The following CD300A variants were observed in gnomAD, a reference collection of about 807,000 sequenced individuals.
CD300A encodes CD300a molecule.
Under a neutral mutation model 33.6 loss-of-function variants are expected in CD300A, and 22 were observed. The observed-to-expected ratio is 0.66, with a 90% CI of 0.47 to 0.94. The LOEUF (loss-of-function observed/expected upper bound fraction) is 0.94, where lower values mean the gene tolerates loss of function less well. Ranked by LOEUF, CD300A falls within the 40% of genes least tolerant of loss-of-function variation. CD300A has a pLI of 0.00. For missense variants in CD300A, 326 were observed against 360.5 expected (o/e 0.90, Z 0.77); for synonymous variants, 136 against 148.1 (o/e 0.92, Z 0.59).
At chr17:74,474,387 C>G in intron 2 of CD300A, 145 bp from the exon 3 acceptor site, 1 of 779,888 alleles carries the variant, frequency 1.3e-6, no homozygotes, top group Non-Finnish European at 2.1e-6. Flanking sequence ...CCAGGAGGGT[C>G]CTGGAGAGAC....
chr17:74,477,443 C>A lies in CD300A; in HGVS notation c.541C>A (p.Leu181Met). The change falls in exon 4 of 7, where the codon CTG becomes ATG. Residue 181 changes from leucine (L) to methionine (M), a missense_variant. By Grantham distance (15) the Leu-to-Met change is conservative. Transcript: ENST00000360141. ...TEEVVNSQLP[L>M]LLSLLALLLL... ...ATCCTGTGCCTCCTCCAGGCTCCCGCTGCTCCTCTCCCTGCTGGCATTGTT... is the reference window on the plus strand; with the variant it reads ...ATCCTGTGCCTCCTCCAGGCTCCCGATGCTCCTCTCCCTGCTGGCATTGTT... The A allele has an allele frequency of 7.4e-6, 12 of 1,613,582 alleles. No homozygotes were observed. The highest frequency in any genetic ancestry group is 9.3e-6 in the Non-Finnish European group (11 of 1,179,692).
intron 1 of CD300A, chr17:74,469,832 A>G: frequency 2.1e-6 from 1 of 466,664 alleles, no homozygotes; most frequent in Non-Finnish European, 2.8e-6. Context: ...TCTCAAAAAA[A>G]TGAAATAAAA....
In CD300A at chr17:74,483,987, G is replaced by T. The variant is rs1387812936; in HGVS notation, c.775-14G>T. The T allele has an allele frequency of 1.1e-5, 18 of 1,612,740 alleles. No homozygotes were observed. The highest frequency in any genetic ancestry group is 9.3e-6 in the Non-Finnish European group (11 of 1,179,246). On this transcript the variant is annotated splice_polypyrimidine_tract_variant and intron_variant, in intron 6 of 6. Transcript: ENST00000360141. ...CCTCTCCCAAGTCTTCAGTTTCTTG[G>T]TTTCTCTCTGCAGGCCTCCCCCAGG...
rs144208889 is a variant in CD300A, at chr17:74,473,442, T to C, written c.41-94T>C. The C allele has an allele frequency of 1.2e-3, 1,509 of 1,231,698 alleles. 22 individuals are homozygous for C. In the African/African-American group the frequency reaches 0.02, roughly 16 times the overall value. The allele number at this position is 1,231,698 out of a possible 1,614,324, so 76.3% of individuals were successfully genotyped here. A position where few individuals can be genotyped will look rare whatever the true frequency, so the allele number is the denominator to read the frequency against. ...GGCCTCTCTGCCTGCCGCTGCCTCCTCCACACCCCCAGGGTCCATGCGGCC... is the reference window on the plus strand; with the variant it reads ...GGCCTCTCTGCCTGCCGCTGCCTCCCCCACACCCCCAGGGTCCATGCGGCC... On this transcript the variant is annotated intron_variant, in intron 1 of 6. Transcript: ENST00000360141.
intron 5 of CD300A, 89 bp downstream of exon 5, chr17:74,481,415 G>C: frequency 8.2e-7 from 1 of 1,223,450 alleles, no homozygotes; most frequent in Middle Eastern, 2.0e-4. Flanking sequence ...TCGGCCAACG[G>C]AGGTTGGATG....
intron 5 of CD300A, 52 bp downstream of exon 5, chr17:74,481,378 A>G (rs1338360738): frequency 1.9e-6 from 3 of 1,561,142 alleles, no homozygotes; most frequent in East Asian, 2.2e-5. Context: ...GAGGGTACAG[A>G]GGCTGCTGGG....
chr17:74,481,636 G>A, intron 5 of CD300A, 90 bp from the exon 6 acceptor site: 3 of 919,562 alleles, frequency 3.3e-6, no homozygotes, highest in Admixed American at 4.0e-5. Context: ...GGTGCTCAGA[G>A]CATAGAGGAA....
rs73352369 is a variant in CD300A at position 74,470,187 on chromosome 17, G to C, written c.41-3349G>C. 1,144 of 985,446 alleles carry C rather than the reference G, an allele frequency of 1.2e-3. 11 individuals carry two copies. In the African/African-American group the frequency reaches 0.019, roughly 16 times the overall value. The allele number at this position is 985,446 out of a possible 1,614,324, so 61.0% of individuals were successfully genotyped here. ...TGGGGTGGTGATTCAGGTTGGAAGA[G>C]AGAAAGCGCAGAAACACAAGCCTGG... On this transcript the variant is annotated intron_variant, in intron 1 of 6. Transcript: ENST00000360141.
chr17:74,481,621 G>C, intron 5 of CD300A, 105 bp from the exon 6 acceptor site: 1 of 805,292 alleles, frequency 1.2e-6, no homozygotes, highest in African/African-American at 1.7e-5. Flanking sequence ...GAAGGTGGGG[G>C]CTGAGGTGCT....
rs60173239 is a variant in CD300A, at chr17:74,469,059, G to T, written c.40+2316G>T. Among the ~76,000 whole-genome samples, 1,285 of 152,252 alleles carry T rather than the reference G, an allele frequency of 8.4e-3. 21 individuals carry two copies. Among genetic ancestry groups the T allele is most frequent in the African/African-American group, 0.03 (1,226 of 41,546 alleles). On this transcript the variant is annotated intron_variant, in intron 1 of 6. Transcript: ENST00000360141. Reference sequence around the variant, plus strand: ...TATGCTGGCTTCATGGAAAGAATTAGGGAGATCTCCCTGTTTCCGTGTTCT... The same window carrying T: ...TATGCTGGCTTCATGGAAAGAATTATGGAGATCTCCCTGTTTCCGTGTTCT...
At chr17:74,481,441 C>G (rs767893206) in intron 5 of CD300A, 115 bp downstream of exon 5, 1 of 950,556 alleles carries the variant, frequency 1.1e-6, no homozygotes, top group African/African-American at 1.6e-5. Flanking sequence ...GGGAGCTCAC[C>G]CAGAGCAGGA....
chr17:74,471,209 G>A (rs1598447951), intron 1 of CD300A, among the ~76,000 whole-genome samples: 1 of 152,158 alleles, frequency 6.6e-6, no homozygotes. Context: ...AGTGATTTGT[G>A]TTTTTCTAGA....
upstream of CD300A, chr17:74,466,623 G>T: frequency 6.9e-7 from 1 of 1,458,126 alleles, no homozygotes; most frequent in Non-Finnish European, 9.4e-7. Flanking sequence ...AGAAGTCGGG[G>T]CCTTGGAGGC....
At chr17:74,478,729 G>A (rs1232906341) in intron 4 of CD300A, among the ~76,000 whole-genome samples, 1 of 152,158 alleles carries the variant, frequency 6.6e-6, no homozygotes, top group African/African-American at 2.4e-5. Flanking sequence ...GGAAGAGATG[G>A]GGTTATCCTG....
rs1048913947 is a variant in CD300A, at chr17:74,481,894, G to A, written c.774+61G>A. ...CCTGGGCTGTGCCAGGGCACCCCTGGGAGGGTGGGCAGAAGGGGAAGGAAG... is the reference window on the plus strand; with the variant it reads ...CCTGGGCTGTGCCAGGGCACCCCTGAGAGGGTGGGCAGAAGGGGAAGGAAG... On this transcript the variant is annotated intron_variant, in intron 6 of 6. Coordinates refer to ENST00000360141, the MANE Select transcript of CD300A (RefSeq NM_007261.4). 3.1e-6 allele frequency: 4 copies of A among 1,305,254 alleles called. No homozygotes were observed. In the Admixed American group the frequency reaches 7.9e-5, roughly 26 times the overall value. 80.9% of individuals were successfully genotyped at this position (1,305,254 alleles called of 1,614,324 possible).
In CD300A at chr17:74,474,786, G is replaced by A. The variant is rs947151784; in HGVS notation, c.533+101G>A. 1.2e-4 allele frequency: 151 copies of A among 1,289,580 alleles called. 1 individual carries two copies. Among genetic ancestry groups the A allele is most frequent in the African/African-American group, 1.8e-4 (12 of 66,982 alleles). The allele number at this position is 1,289,580 out of a possible 1,614,324, so 79.9% of individuals were successfully genotyped here. A position where few individuals can be genotyped will look rare whatever the true frequency, so the allele number is the denominator to read the frequency against. On this transcript the variant is annotated intron_variant, in intron 3 of 6. Coordinates refer to ENST00000360141, the MANE Select transcript of CD300A (RefSeq NM_007261.4). ...TGTGGGCCAGCTGGAGGTGTGCATCGCTCCCTTTGCCCCAGGCCCAGGTTG... is the reference window on the plus strand; with the variant it reads ...TGTGGGCCAGCTGGAGGTGTGCATCACTCCCTTTGCCCCAGGCCCAGGTTG...
intron 4 of CD300A, among the ~76,000 whole-genome samples, chr17:74,481,063 C>G (rs192385690): frequency 6.6e-6 from 1 of 152,276 alleles, no homozygotes; most frequent in Non-Finnish European, 1.5e-5. Flanking sequence ...TGGAATCTTT[C>G]TATTTCTCCA....
upstream of CD300A, chr17:74,466,424 G>T: frequency 2.0e-6 from 1 of 495,772 alleles, no homozygotes. Context: ...AAGCTACGGA[G>T]TCACTACAGG....
rs778983659 is a variant in CD300A at position 74,473,820 on chromosome 17, T to C, written c.325T>C (p.Trp109Arg). 4.3e-6 allele frequency: 7 copies of C among 1,614,062 alleles called. No homozygotes were observed. The highest frequency in any genetic ancestry group is 1.6e-4 in the Middle Eastern group (1 of 6,062). The change falls in exon 2 of 7, where the codon TGG becomes CGG. Residue 109 changes from tryptophan to arginine, a missense_variant. Trp to Arg is a moderately radical substitution (Grantham distance 101, BLOSUM62 -3). Coordinates refer to ENST00000360141, the MANE Select transcript of CD300A (RefSeq NM_007261.4). ...CTACTGGTGTGGGGTGGATACACCATGGCTCCGAGACTTTCATGATCCCGT... is the reference window on the plus strand; with the variant it reads ...CTACTGGTGTGGGGTGGATACACCACGGCTCCGAGACTTTCATGATCCCGT... ...GTYWCGVDTP[W>R]LRDFHDPVVE...
Sources: gnomAD v4.1 joint callset for allele counts (sites outside exome capture counted in the v4.1 genomes callset) on GRCh38, gnomAD v4.1.1 for gene constraint, MANE v1.5 for transcripts, NCBI Gene and HGNC (gene_info 2026-07-23, HGNC 2026-07-21) for gene names.